The following DIAPH2 variants were observed in gnomAD, a reference collection of about 807,000 sequenced individuals.
The protein encoded by DIAPH2 is diaphanous related formin 2.
A neutral mutation model predicts 92.7 loss-of-function variants in DIAPH2; 35 were observed. The ratio of observed to expected loss-of-function variants is 0.38; its 90% CI spans 0.29 to 0.50. The LOEUF is 0.50. Ranked by LOEUF, DIAPH2 falls within the 20% of genes least tolerant of loss-of-function variation. DIAPH2 has a pLI of 0.94. For missense variants in DIAPH2, 701 were observed against 819.5 expected (o/e 0.86, Z 1.77); for synonymous variants, 301 against 280.4 (o/e 1.07, Z -0.73).
At chrX:96,794,198 A>C (rs1023883134) in intron 4 of DIAPH2, among the ~76,000 whole-genome samples, 2 of 111,185 alleles carry the variant, frequency 1.8e-5, no homozygotes, top group Non-Finnish European at 3.8e-5. Flanking sequence ...AATTCCATTC[A>C]TGAAGGTTCC....
At chrX:96,811,720 T>C (rs2064683425) in intron 4 of DIAPH2, among the ~76,000 whole-genome samples, 1 of 111,829 alleles carries the variant, frequency 8.9e-6, no homozygotes, top group Non-Finnish European at 1.9e-5. Flanking sequence ...ATTGAGAGGT[T>C]TTAGGATGAA....
At chrX:96,817,231 G>T (rs1458183072) in intron 4 of DIAPH2, among the ~76,000 whole-genome samples, 1 of 111,661 alleles carries the variant, frequency 9.0e-6, no homozygotes, top group African/African-American at 3.3e-5. Context: ...GTGTATAATT[G>T]GATTGTTTGT....
chrX:97,423,457 C>T (rs2070030429), intron 25 of DIAPH2, among the ~76,000 whole-genome samples: 1 of 111,849 alleles, frequency 8.9e-6, no homozygotes, highest in Non-Finnish European at 1.9e-5. Context: ...GTATCATCTC[C>T]AAACCCTTTT....
intron 23 of DIAPH2, among the ~76,000 whole-genome samples, chrX:97,321,615 TCTCCGCTCACTGCAAA>T (rs2068896959): frequency 1.0e-5 from 1 of 95,587 alleles, no homozygotes; most frequent in South Asian, 6.4e-4. Context: ...AGTGGTGCAA[TCTCCGCTCACTGCAAA>T]CTCCGCCTCC....
intron 22 of DIAPH2, among the ~76,000 whole-genome samples, chrX:97,196,937 C>T (rs1341874796): frequency 9.1e-6 from 1 of 109,371 alleles, no homozygotes; most frequent in African/African-American, 3.3e-5. Flanking sequence ...CAGACATGTG[C>T]CACCACGCCT....
intron 12 of DIAPH2, among the ~76,000 whole-genome samples, chrX:96,940,364 AAT>A (rs2065696776): frequency 8.9e-6 from 1 of 112,076 alleles, no homozygotes; most frequent in East Asian, 2.8e-4. Context: ...GTTAACTGGG[AAT>A]ATATCGGAAA....
At chrX:97,546,954 A>G (rs764579224) in intron 26 of DIAPH2, among the ~76,000 whole-genome samples, 14 of 112,028 alleles carry the variant, frequency 1.2e-4, no homozygotes, top group South Asian at 7.6e-4. Flanking sequence ...CTTATTTTCA[A>G]ATACCAGGCA....
chrX:96,809,215 A>C (rs1435486229), intron 4 of DIAPH2, among the ~76,000 whole-genome samples: 1 of 110,486 alleles, frequency 9.1e-6, no homozygotes, highest in Non-Finnish European at 1.9e-5. Context: ...CTAGTCCAGT[A>C]GTAGCTGGAA....
At chrX:96,861,776 C>T (rs931032248) in intron 4 of DIAPH2, among the ~76,000 whole-genome samples, 2 of 111,809 alleles carry the variant, frequency 1.8e-5, no homozygotes, top group Non-Finnish European at 1.9e-5. Flanking sequence ...CTCCTTGTCC[C>T]TTTCCCCACC....
At position 96,961,840 on chromosome X, in the gene DIAPH2, C is replaced by T. The variant is rs1448363691; in HGVS notation, c.1936-3253C>T. Among the ~76,000 whole-genome samples the T allele has an allele frequency of 3.6e-5, 4 of 109,988 alleles. No individual in the cohort carries two copies. The East Asian group carries it at 1.1e-3, about 31-fold the overall frequency. On this transcript the variant is annotated intron_variant, in intron 16 of 26. Transcript: ENST00000324765. ...TACTTGCATAGTTTCTGAAATCTCT[C>T]TTATTATTGATGTCTAATTTTATCC...
intron 26 of DIAPH2, among the ~76,000 whole-genome samples, chrX:97,494,690 T>C (rs771195934): frequency 8.9e-6 from 1 of 112,354 alleles, no homozygotes; most frequent in Admixed American, 9.4e-5. Context: ...AAACCTTTTC[T>C]ATGAATGTGT....
chrX:96,751,886 C>T (rs1463437767), intron 3 of DIAPH2, among the ~76,000 whole-genome samples: 70 of 97,048 alleles, frequency 7.2e-4, no homozygotes, highest in African/African-American at 2.3e-3. Context: ...ATCTCCTGAC[C>T]TCGTGATCCG....
intron 5 of DIAPH2, among the ~76,000 whole-genome samples, chrX:96,904,566 T>C (rs916003200): frequency 3.6e-5 from 4 of 111,775 alleles, no homozygotes; most frequent in Non-Finnish European, 7.5e-5. Flanking sequence ...TGAAACTGTT[T>C]ATGATGTTTA....
chrX:97,373,728 T>A (rs2069472536), intron 24 of DIAPH2, among the ~76,000 whole-genome samples: 1 of 103,688 alleles, frequency 9.6e-6, no homozygotes, highest in South Asian at 4.9e-4. Flanking sequence ...TGCCTCAGCC[T>A]CCCGAACAGC....
At chrX:97,377,422 T>C (rs1450115953) in intron 24 of DIAPH2, among the ~76,000 whole-genome samples, 1 of 112,198 alleles carries the variant, frequency 8.9e-6, no homozygotes, top group East Asian at 2.8e-4. Flanking sequence ...GAGTAATGTG[T>C]TGTGCTCTGA....
chrX:97,456,426 C>CAATA (rs1206012726), intron 26 of DIAPH2, among the ~76,000 whole-genome samples: 1 of 110,052 alleles, frequency 9.1e-6, no homozygotes, highest in Non-Finnish European at 1.9e-5. Flanking sequence ...ATAAACCAAA[C>CAATA]AATAAATAAA....
At chrX:97,366,456 A>G (rs1323636528) in intron 24 of DIAPH2, among the ~76,000 whole-genome samples, 4 of 112,258 alleles carry the variant, frequency 3.6e-5, no homozygotes, top group Non-Finnish European at 5.6e-5. Context: ...ATTCTTGAGC[A>G]GAGCTAATAA....
At position 96,685,109 on chromosome X, in the gene DIAPH2, A is replaced by G; in HGVS notation, c.51A>G (p.Glu17=). Residue 17 remains glutamate (E), a synonymous_variant, in exon 1 of 27, where the codon GAA becomes GAG. Coordinates refer to ENST00000324765, the MANE Select transcript of DIAPH2 (RefSeq NM_006729.5). ...AASGAGGGSE[E]PGGGRSNKRS... is the part of the protein sequence containing the mutation. ...CGGGAGCGGGAGGCGGCAGCGAGGA[A>G]CCCGGTGGGGGCCGGAGCAACAAGC... 1 of 1,014,896 alleles carries G rather than the reference A, an allele frequency of 9.9e-7. No individual in the cohort carries two copies. The highest frequency in any genetic ancestry group is 1.3e-6 in the Non-Finnish European group (1 of 794,811). 83.6% of individuals were successfully genotyped at this position (1,014,896 alleles called of 1,213,427 possible).
chrX:97,336,394 C>T (rs960694448), intron 23 of DIAPH2, among the ~76,000 whole-genome samples: 8 of 107,808 alleles, frequency 7.4e-5, no homozygotes, highest in African/African-American at 2.4e-4. Context: ...TACAGGCGCC[C>T]GCCACCACGC....
Sources: gnomAD v4.1 joint callset for allele counts (sites outside exome capture counted in the v4.1 genomes callset) on GRCh38, gnomAD v4.1.1 for gene constraint, MANE v1.5 for transcripts, NCBI Gene and HGNC (gene_info 2026-07-23, HGNC 2026-07-21) for gene names.